ANKFN1: variants seen among roughly 807,000 people sequenced by gnomAD.
The protein encoded by ANKFN1 is ankyrin repeat and fibronectin type III domain containing 1.
ANKFN1 carries 74 observed loss-of-function variants against 108.7 expected under a neutral mutation model. That is an observed-to-expected ratio of 0.68 (90% CI 0.56 to 0.83). The LOEUF is 0.83. Among genes scored for constraint, ANKFN1 ranks in the 40% least tolerant of loss-of-function variants. The pLI, the probability that ANKFN1 is intolerant of heterozygous loss-of-function variation, is 0.00. For synonymous variants in ANKFN1, 547 were observed against 516.2 expected, an observed-to-expected ratio of 1.06 and a Z score of -0.81; for missense variants, 1,505 against 1,382.3, an observed-to-expected ratio of 1.09 and a Z score of -1.41.
intron 4 of ANKFN1, among the ~76,000 whole-genome samples, chr17:56,136,117 T>C (rs1907587765): frequency 6.6e-6 from 1 of 152,266 alleles, no homozygotes; most frequent in African/African-American, 2.4e-5. Flanking sequence ...ACCTGTGCCA[T>C]CCAGAGGCAC....
chr17:56,440,537 A>G (rs546138965), intron 9 of ANKFN1, 113 bp downstream of exon 9: 1 of 716,348 alleles, frequency 1.4e-6, no homozygotes, highest in South Asian at 1.8e-5. Context: ...TCTGGCAACA[A>G]CTGCCACTCA....
intron 3 of ANKFN1, among the ~76,000 whole-genome samples, chr17:56,309,762 A>G (rs1467803611): frequency 1.3e-5 from 2 of 152,242 alleles, no homozygotes; most frequent in African/African-American, 4.8e-5. Flanking sequence ...ACAGTAAGTT[A>G]TTAACAACAA....
At chr17:56,105,719 G>GTA (rs1248497713) in intron 4 of ANKFN1, among the ~76,000 whole-genome samples, 1 of 150,952 alleles carries the variant, frequency 6.6e-6, no homozygotes, top group African/African-American at 2.4e-5. Context: ...GTCTGTGTGT[G>GTA]TGTGTGTGTG....
chr17:56,153,745 T>C, intron 1 of ANKFN1: 1 of 639,602 alleles, frequency 1.6e-6, no homozygotes, highest in South Asian at 2.0e-5. Flanking sequence ...GTCTTTGTCT[T>C]TTGGGAGGTG....
intron 4 of ANKFN1, among the ~76,000 whole-genome samples, chr17:56,062,143 A>G (rs756970673): frequency 6.6e-6 from 1 of 152,182 alleles, no homozygotes; most frequent in Non-Finnish European, 1.5e-5. Flanking sequence ...GGAGTGTTTT[A>G]CTTCCAATTA....
chr17:56,195,464 C>T (rs1239542556), intron 1 of ANKFN1: 1 of 152,174 alleles, frequency 6.6e-6, no homozygotes, highest in African/African-American at 2.4e-5. Flanking sequence ...GAGGCAAATT[C>T]AGTTCTTACT....
At chr17:56,400,060 C>CT (rs1386726935) in intron 8 of ANKFN1, among the ~76,000 whole-genome samples, 1 of 151,640 alleles carries the variant, frequency 6.6e-6, no homozygotes, top group African/African-American at 2.4e-5. Flanking sequence ...GTGCAAGTAT[C>CT]TTTTTTGAAT....
chr17:56,093,112 C>T lies in ANKFN1; in HGVS notation c.288+46787C>T, dbSNP rs759804758. 9.3e-5 allele frequency among the ~76,000 whole-genome samples: 14 copies of T among 151,342 alleles called. 3 individuals carry two copies. Among genetic ancestry groups the T allele is most frequent in the Middle Eastern group, 3.2e-3 (1 of 310 alleles). ...TAATGTGATCTCAGGCATGATATCT[C>T]ATGATGTTCACAGTCCCAGGAATCA... is the stretch of plus-strand genomic sequence containing the variant. On this transcript the variant is annotated intron_variant, in intron 4 of 12. Transcript: ENST00000635860.
At chr17:56,465,776 A>AT (rs1363151198) in intron 14 of ANKFN1, among the ~76,000 whole-genome samples, 1 of 152,194 alleles carries the variant, frequency 6.6e-6, no homozygotes, top group Non-Finnish European at 1.5e-5. Context: ...ATTTTAACAG[A>AT]TTTTTAAATA....
intron 4 of ANKFN1, among the ~76,000 whole-genome samples, chr17:56,126,395 C>G (rs184200184): frequency 2.0e-4 from 30 of 152,240 alleles, no homozygotes; most frequent in African/African-American, 7.2e-4. Context: ...TTTTCTCCCC[C>G]TTCTTGACAC....
intron 20 of ANKFN1, among the ~76,000 whole-genome samples, chr17:56,506,538 A>G (rs1347344409): frequency 6.6e-6 from 1 of 151,898 alleles, no homozygotes; most frequent in Non-Finnish European, 1.5e-5. Flanking sequence ...GGCCTTGCTG[A>G]CACCTTGATT....
intron 4 of ANKFN1, among the ~76,000 whole-genome samples, chr17:56,072,530 C>T (rs1050428239): frequency 6.6e-6 from 1 of 152,190 alleles, no homozygotes; most frequent in African/African-American, 2.4e-5. Flanking sequence ...ATGCTACCTC[C>T]CAAAGGTAGC....
intron 3 of ANKFN1, among the ~76,000 whole-genome samples, chr17:56,313,664 T>C (rs2045111203): frequency 1.3e-5 from 2 of 152,224 alleles, no homozygotes; most frequent in African/African-American, 2.4e-5. Context: ...TGTTTGATCT[T>C]ATCTATCAAA....
intron 3 of ANKFN1, among the ~76,000 whole-genome samples, chr17:56,310,265 G>T (rs2044973959): frequency 6.6e-6 from 1 of 152,170 alleles, no homozygotes; most frequent in Non-Finnish European, 1.5e-5. Context: ...GTTGACCACG[G>T]ATAACTGAAA....
intron 6 of ANKFN1, among the ~76,000 whole-genome samples, chr17:56,371,633 A>T (rs1158266854): frequency 6.6e-6 from 1 of 152,174 alleles, no homozygotes; most frequent in Non-Finnish European, 1.5e-5. Context: ...CTGTTCTGTG[A>T]TCCCCTACCA....
At chr17:56,264,697 T>C (rs1157928128) in intron 3 of ANKFN1, among the ~76,000 whole-genome samples, 1 of 152,222 alleles carries the variant, frequency 6.6e-6, no homozygotes, top group Non-Finnish European at 1.5e-5. Flanking sequence ...GTTTGGATTC[T>C]AACCTTAGCT....
At chr17:56,397,635 T>A (rs1359084240) in intron 8 of ANKFN1, among the ~76,000 whole-genome samples, 1 of 152,202 alleles carries the variant, frequency 6.6e-6, no homozygotes, top group Non-Finnish European at 1.5e-5. Context: ...TACAGTGTGT[T>A]AACTATGGCA....
chr17:56,254,127 C>G (rs950113163), intron 3 of ANKFN1: 1 of 152,110 alleles, frequency 6.6e-6, no homozygotes, highest in African/African-American at 2.4e-5. Flanking sequence ...ACAGAACATG[C>G]GTCAGAAAAT....
chr17:56,402,093 G>A (rs914945952), intron 8 of ANKFN1, among the ~76,000 whole-genome samples: 2 of 152,082 alleles, frequency 1.3e-5, no homozygotes, highest in Non-Finnish European at 2.9e-5. Flanking sequence ...GATTCAGTTA[G>A]CTAGTATTTT....
Sources: gnomAD v4.1 joint callset for allele counts (sites outside exome capture counted in the v4.1 genomes callset) on GRCh38, gnomAD v4.1.1 for gene constraint, MANE v1.5 for transcripts, NCBI Gene and HGNC (gene_info 2026-07-23, HGNC 2026-07-21) for gene names.